The following SP140 variants were observed in gnomAD, a reference collection of about 807,000 sequenced individuals.
The protein encoded by SP140 is SP140 nuclear body protein.
In SP140, 81 loss-of-function variants were observed where a neutral mutation model predicts 125.0. The observed-to-expected ratio is 0.65, with a 90% CI of 0.54 to 0.78. The LOEUF is 0.78. Among genes scored for constraint, SP140 ranks in the 30% least tolerant of loss-of-function variants. The pLI is 0.00. For synonymous variants in SP140, 312 were observed against 354.0 expected, an observed-to-expected ratio of 0.88 and a Z score of 1.33; for missense variants, 858 against 1,037.0, an observed-to-expected ratio of 0.83 and a Z score of 2.37.
chr2:230,243,433 G>A (rs575511252), intron 4 of SP140, among the ~76,000 whole-genome samples: 11 of 152,146 alleles, frequency 7.2e-5, no homozygotes, highest in South Asian at 2.1e-4. Flanking sequence ...AGAAACATCC[G>A]CAGAAAAAAA....
chr2:230,212,641 G>A, intron 1 of SP140: 1 of 1,353,490 alleles, frequency 7.4e-7, no homozygotes, highest in Admixed American at 1.7e-5. Context: ...TTGTGTTTGG[G>A]TAGATGGGTG....
At chr2:230,295,363 C>A (rs2057592921) in intron 21 of SP140, among the ~76,000 whole-genome samples, 1 of 152,218 alleles carries the variant, frequency 6.6e-6, no homozygotes, top group Admixed American at 6.5e-5. Flanking sequence ...TGAGACATTT[C>A]ATCCACTGGG....
intron 1 of SP140, among the ~76,000 whole-genome samples, chr2:230,232,247 A>G (rs1053896881): frequency 2.0e-5 from 3 of 151,984 alleles, no homozygotes; most frequent in Non-Finnish European, 2.9e-5. Flanking sequence ...TGAGATGATG[A>G]CCCCCAGGAG....
intron 22 of SP140, among the ~76,000 whole-genome samples, chr2:230,303,465 C>A (rs1309771711): frequency 1.3e-5 from 2 of 152,192 alleles, no homozygotes; most frequent in African/African-American, 4.8e-5. Context: ...TGATTCACAG[C>A]TGAATTCTAT....
intron 12 of SP140, among the ~76,000 whole-genome samples, chr2:230,257,752 C>T (rs541982294): frequency 1.3e-5 from 2 of 152,150 alleles, no homozygotes; most frequent in East Asian, 3.9e-4. Context: ...GGTGACAGAG[C>T]AAGATTCCAT....
At chr2:230,264,600 G>A (rs577292087) in intron 12 of SP140, among the ~76,000 whole-genome samples, 3 of 152,292 alleles carry the variant, frequency 2.0e-5, no homozygotes, top group African/African-American at 7.2e-5. Flanking sequence ...CATTTGGGTA[G>A]GCTCTGTCAG....
At chr2:230,276,033 G>A (rs1483147431) in intron 15 of SP140, among the ~76,000 whole-genome samples, 3 of 152,144 alleles carry the variant, frequency 2.0e-5, no homozygotes, top group Non-Finnish European at 4.4e-5. Flanking sequence ...AAGGAAAGAA[G>A]CTGTCTCATA....
At chr2:230,225,661 C>T (rs192734895), upstream of SP140, 31 of 658,160 alleles carry the variant, frequency 4.7e-5, no homozygotes, top group Admixed American at 1.5e-4. Flanking sequence ...GACTGAGAGA[C>T]GTCATGGAGA....
chr2:230,308,584 G>A (rs575176762), intron 22 of SP140, among the ~76,000 whole-genome samples: 1 of 152,370 alleles, frequency 6.6e-6, no homozygotes, highest in African/African-American at 2.4e-5. Flanking sequence ...GGGCCACATG[G>A]GGGCTGCGCT....
intron 3 of SP140, 47 bp from the exon 4 acceptor site, chr2:230,241,357 C>T: frequency 8.3e-7 from 1 of 1,201,754 alleles, no homozygotes; most frequent in Non-Finnish European, 1.2e-6. Context: ...GAGGTCTCTC[C>T]TCTGGTCACT....
chr2:230,252,514 G>A (rs1436585609), intron 10 of SP140, among the ~76,000 whole-genome samples: 4 of 152,082 alleles, frequency 2.6e-5, no homozygotes, highest in Non-Finnish European at 5.9e-5. Flanking sequence ...GCAAGAGACA[G>A]AGGTAGAAAC....
chr2:230,232,002 C>A (rs2047324449), intron 1 of SP140, among the ~76,000 whole-genome samples: 1 of 152,020 alleles, frequency 6.6e-6, no homozygotes, highest in Admixed American at 6.6e-5. Flanking sequence ...AGCCACCGTG[C>A]CCAGCCTCAC....
intron 3 of SP140, chr2:230,216,904 C>T: frequency 6.2e-7 from 1 of 1,613,842 alleles, no homozygotes; most frequent in Non-Finnish European, 8.5e-7. Flanking sequence ...GAGCCTCTTC[C>T]ATGGCTCTTG....
rs201933206 is a variant in SP140, at chr2:230,310,037, G to C, written c.2172G>C (p.Glu724Asp). The C allele has an allele frequency of 2.5e-6, 4 of 1,614,126 alleles. No individual in the cohort carries two copies. The highest frequency in any genetic ancestry group is 2.5e-6 in the Non-Finnish European group (3 of 1,179,972). The change falls in exon 23 of 27, where the codon GAG becomes GAC. Residue 724 changes from glutamate (E) to aspartate (D), a missense_variant and splice_region_variant. Physicochemically the swap from Glu to Asp is conservative, Grantham distance 45. Around this residue, in one of 4 missense-constraint regions of SP140, gnomAD observed 791 missense variants for 869.5 expected, o/e 0.91. Transcript: ENST00000392045. ...EDCHIPPVEAERTPWNCIFCR... is the reference protein window; with the variant it reads ...EDCHIPPVEADRTPWNCIFCR... Reference sequence around the variant, plus strand: ...GTCACATCCCGCCTGTGGAAGCTGAGAGGTAAGTGACATGCAGGCGTCTCT... The same window carrying C: ...GTCACATCCCGCCTGTGGAAGCTGACAGGTAAGTGACATGCAGGCGTCTCT...
At chr2:230,255,571 G>A (rs1342566333) in intron 12 of SP140, 39 bp downstream of exon 12, 1 of 1,587,846 alleles carries the variant, frequency 6.3e-7, no homozygotes, top group South Asian at 1.1e-5. Context: ...CTGGGCTGCA[G>A]AGTGTCAGGA....
rs952708821 is a variant in SP140 at position 230,313,106 on chromosome 2, C to T, written c.*422C>T. ...CAGAAGCCCTAAGCCCACATTCTTT[C>T]GATAGCTCACGGTGGTGCATGAGTG... On this transcript the variant is annotated 3_prime_UTR_variant, in exon 27 of 27. Coordinates refer to ENST00000392045, the MANE Select transcript of SP140 (RefSeq NM_007237.5). The T allele has an allele frequency of 1.5e-4, 28 of 184,848 alleles. No homozygotes were observed. In the Admixed American group the frequency reaches 1.7e-3, roughly 11 times the overall value. 11.5% of individuals were successfully genotyped at this position (184,848 alleles called of 1,614,324 possible).
At chr2:230,265,998 T>C (rs2053061749) in intron 12 of SP140, among the ~76,000 whole-genome samples, 1 of 152,152 alleles carries the variant, frequency 6.6e-6, no homozygotes. Flanking sequence ...AGGAGTATTT[T>C]AAAATCGTGA....
At chr2:230,287,166 C>T (rs1010003612) in intron 17 of SP140, among the ~76,000 whole-genome samples, 10 of 152,166 alleles carry the variant, frequency 6.6e-5, no homozygotes, top group African/African-American at 1.4e-4. Flanking sequence ...ATGAAGGCTG[C>T]GGAAATCTCA....
upstream of SP140, chr2:230,200,754 A>T (rs2043097366): frequency 2.7e-6 from 2 of 747,404 alleles, no homozygotes; most frequent in East Asian, 2.6e-5. Context: ...TAAGAAAAAA[A>T]AATCCAGAAG....
Sources: allele counts gnomAD v4.1 joint callset (sites outside exome capture counted in the v4.1 genomes callset), GRCh38; gene constraint gnomAD v4.1.1; regional missense constraint gnomAD v4.1.1; transcripts MANE v1.5; gene names NCBI Gene and HGNC (gene_info 2026-07-23, HGNC 2026-07-21).